AGAP1: variants seen among roughly 807,000 people sequenced by gnomAD.
AGAP1 encodes arf-GAP with GTPase, ANK repeat and PH domain-containing protein 1.
AGAP1 carries 29 observed loss-of-function variants against 105.3 expected under a neutral mutation model. That is an observed-to-expected ratio of 0.28 (90% CI 0.21 to 0.38). The LOEUF is 0.38. Ranked by LOEUF, AGAP1 falls within the 10% of genes least tolerant of loss-of-function variation. The pLI is 1.00. For synonymous variants in AGAP1, 509 were observed against 485.9 expected (o/e 1.05, Z -0.63); for missense variants, 998 against 1,165.1 (o/e 0.86, Z 2.09).
chr2:235,770,712 A>G (rs1476632756), intron 6 of AGAP1, among the ~76,000 whole-genome samples: 2 of 140,954 alleles, frequency 1.4e-5, no homozygotes, highest in Admixed American at 7.2e-5. Flanking sequence ...GGATTTTGAG[A>G]AAAAAATTGC....
At chr2:235,710,211 G>T (rs1950781832) in intron 2 of AGAP1, among the ~76,000 whole-genome samples, 1 of 152,168 alleles carries the variant, frequency 6.6e-6, no homozygotes, top group African/African-American at 2.4e-5. Flanking sequence ...CTCATTGCAT[G>T]CTTGGAGGAC....
chr2:235,972,310 G>A (rs1279743134), intron 13 of AGAP1, among the ~76,000 whole-genome samples: 1 of 152,166 alleles, frequency 6.6e-6, no homozygotes, highest in Admixed American at 6.5e-5. Flanking sequence ...TCTCTTTAGA[G>A]TATAAGAAAA....
rs374752083 is a variant in AGAP1, at chr2:235,877,865, T to C, written c.1051-5480T>C. 2.8e-3 allele frequency among the ~76,000 whole-genome samples: 429 copies of C among 152,318 alleles called. 3 individuals are homozygous for C. Among genetic ancestry groups the C allele is most frequent in the African/African-American group, 9.4e-3 (390 of 41,566 alleles). On this transcript the variant is annotated intron_variant, in intron 9 of 17. Transcript: ENST00000304032. This position sits in a 1 kb window ranked among gnomAD's most constrained non-coding sequence, Gnocchi z 4.3. ...GTGGGCCACACTTTGAGCTGGAAAGTGCTTCCGTCTTTTGCCAACTTAAAA... is the reference window on the plus strand; with the variant it reads ...GTGGGCCACACTTTGAGCTGGAAAGCGCTTCCGTCTTTTGCCAACTTAAAA...
At chr2:235,717,521 T>C in intron 2 of AGAP1, 36 bp from the exon 3 acceptor site, 20 of 1,545,090 alleles carry the variant, frequency 1.3e-5, no homozygotes, top group Non-Finnish European at 1.7e-5. Context: ...ATAGAGTGAT[T>C]TGATGATGCT....
chr2:235,840,666 A>G (rs1960717144), intron 9 of AGAP1, among the ~76,000 whole-genome samples: 1 of 152,198 alleles, frequency 6.6e-6, no homozygotes. Flanking sequence ...TGGGGGCTGC[A>G]GGAATGGAAA....
At chr2:235,630,833 G>A (rs1025997164) in intron 1 of AGAP1, among the ~76,000 whole-genome samples, 3 of 152,166 alleles carry the variant, frequency 2.0e-5, no homozygotes, top group African/African-American at 7.2e-5. Flanking sequence ...GCCTCCGTTT[G>A]TCATTTCTCC....
At chr2:235,668,624 G>A (rs551538997) in intron 1 of AGAP1, among the ~76,000 whole-genome samples, 1 of 152,318 alleles carries the variant, frequency 6.6e-6, no homozygotes, top group African/African-American at 2.4e-5. Flanking sequence ...AAGACAGCTT[G>A]AGGAACTGAT....
chr2:236,075,085 A>G (rs2058601090), intron 16 of AGAP1, among the ~76,000 whole-genome samples: 1 of 152,050 alleles, frequency 6.6e-6, no homozygotes, highest in Admixed American at 6.6e-5. Context: ...AAAGATCTAT[A>G]AGTGATTGAT....
rs1173062810 is a variant in AGAP1 at position 235,716,576 on chromosome 2, G to GT, written c.223-977dup. Among the ~76,000 whole-genome samples the GT allele has an allele frequency of 6.6e-6, 1 of 152,106 alleles. No homozygotes were observed. Among genetic ancestry groups the GT allele is most frequent in the Non-Finnish European group, 1.5e-5 (1 of 68,010 alleles). ...TGCCTGGGGATGGGTGCCTTGTGATGTTTTGGGCTTTTTAAGGAATCGATT... is the reference window on the plus strand; with the variant it reads ...TGCCTGGGGATGGGTGCCTTGTGATGTTTTTGGGCTTTTTAAGGAATCGATT... On this transcript the variant is annotated intron_variant, in intron 2 of 17. Transcript: ENST00000304032. This position sits in a 1 kb window ranked among gnomAD's most constrained non-coding sequence, Gnocchi z 4.0.
At chr2:235,636,365 C>G (rs2149297311) in intron 1 of AGAP1, among the ~76,000 whole-genome samples, 1 of 152,192 alleles carries the variant, frequency 6.6e-6, no homozygotes, top group African/African-American at 2.4e-5. Context: ...ATGAACACAC[C>G]CACTCAGGGA....
At chr2:235,914,301 A>C (rs1347940035) in intron 11 of AGAP1, among the ~76,000 whole-genome samples, 1 of 152,144 alleles carries the variant, frequency 6.6e-6, no homozygotes, top group Non-Finnish European at 1.5e-5. Context: ...ATTCGTCTCC[A>C]TTGTTACTGA....
Position 236,101,685 on chromosome 2 carries a change from G to C in AGAP1, c.2115-18507G>C, listed in dbSNP as rs1056813809. Among the ~76,000 whole-genome samples the C allele has an allele frequency of 1.3e-4, 20 of 152,188 alleles. No individual in the cohort carries two copies. The highest frequency in any genetic ancestry group is 2.2e-4 in the Non-Finnish European group (15 of 68,038). On this transcript the variant is annotated intron_variant, in intron 16 of 17. Coordinates refer to ENST00000304032, the MANE Select transcript of AGAP1 (RefSeq NM_001037131.3). This position sits in a 1 kb window ranked among gnomAD's most constrained non-coding sequence, Gnocchi z 4.9. ...TTATGATGCGATATGTTCCAAAGCC[G>C]ATCACATCAGCCGCTGTTATGGTGA...
intron 6 of AGAP1, among the ~76,000 whole-genome samples, chr2:235,791,303 G>C (rs1310996062): frequency 6.6e-6 from 1 of 152,190 alleles, no homozygotes; most frequent in African/African-American, 2.4e-5. Context: ...TGAGACGTTA[G>C]GGGATCTTTT....
At chr2:235,890,446 C>G (rs2050483399) in intron 10 of AGAP1, among the ~76,000 whole-genome samples, 1 of 152,198 alleles carries the variant, frequency 6.6e-6, no homozygotes, top group African/African-American at 2.4e-5. Context: ...GCCACTCTGC[C>G]CAGCTGTGGT....
chr2:235,898,048 C>CCGCAT (rs1219463099), intron 10 of AGAP1, among the ~76,000 whole-genome samples: 9 of 152,202 alleles, frequency 5.9e-5, no homozygotes, highest in African/African-American at 2.2e-4. Context: ...GCCACCTCTG[C>CCGCAT]CGCATCGGCT....
intron 1 of AGAP1, among the ~76,000 whole-genome samples, chr2:235,707,309 C>G (rs939980735): frequency 6.7e-6 from 1 of 148,170 alleles, no homozygotes; most frequent in Non-Finnish European, 1.5e-5. Context: ...AAGTCTCTGC[C>G]CTCTAGAGAT....
chr2:236,115,805 T>TTTTTG (rs55996752), intron 16 of AGAP1, among the ~76,000 whole-genome samples: 5 of 151,548 alleles, frequency 3.3e-5, no homozygotes, highest in African/African-American at 4.8e-5. Flanking sequence ...AAAGCTTCTG[T>TTTTTG]TTTTGTTTTG....
chr2:235,516,982 C>T (rs576038967), intron 1 of AGAP1, among the ~76,000 whole-genome samples: 48 of 152,316 alleles, frequency 3.2e-4, no homozygotes, highest in Middle Eastern at 3.4e-3. Context: ...TGATCAGCCA[C>T]GGGTGCCACG....
chr2:235,694,665 GAAAA>G (rs930909461), intron 1 of AGAP1, among the ~76,000 whole-genome samples: 1 of 151,242 alleles, frequency 6.6e-6, no homozygotes, highest in African/African-American at 2.4e-5. Flanking sequence ...AAAAAAAAAA[GAAAA>G]AAAGGAAGCT....
Sources: gnomAD v4.1 joint callset for allele counts (sites outside exome capture counted in the v4.1 genomes callset) on GRCh38, gnomAD v4.1.1 for gene constraint, Gnocchi (gnomAD v3.1) non-coding constraint, MANE v1.5 for transcripts, NCBI Gene and HGNC (gene_info 2026-07-23, HGNC 2026-07-21) for gene names.